Variants in EBF4 observed in about 807,000 individuals in gnomAD.
EBF4 encodes transcription factor COE4.
A neutral mutation model predicts 67.1 loss-of-function variants in EBF4; 34 were observed. That is an observed-to-expected ratio of 0.51 (90% CI 0.39 to 0.67). EBF4 has a LOEUF of 0.67. EBF4 is among the 30% of genes least tolerant of loss of function. EBF4 has a pLI of 0.00. For missense variants in EBF4, 837 were observed against 873.3 expected, an observed-to-expected ratio of 0.96 and a Z score of 0.52; for synonymous variants, 387 against 377.7, an observed-to-expected ratio of 1.02 and a Z score of -0.29.
intron 6 of EBF4, among the ~76,000 whole-genome samples, chr20:2,737,406 T>C (rs911676572): frequency 6.6e-6 from 1 of 152,100 alleles, no homozygotes; most frequent in Non-Finnish European, 1.5e-5. Flanking sequence ...TGGAGAGTTA[T>C]TGAGGGCTGG....
Position 2,747,196 on chromosome 20 carries a change from C to T in EBF4, c.558-1353C>T, listed in dbSNP as rs1197945422. 2.0e-5 allele frequency among the ~76,000 whole-genome samples: 3 copies of T among 151,958 alleles called. No homozygotes were observed. Among genetic ancestry groups the T allele is most frequent in the Non-Finnish European group, 4.4e-5 (3 of 67,974 alleles). ...GATCCCCCTGTAATCCCCTGTAACT[C>T]GGGAAGCCAAGGGCTGAGGCAGGGA... On this transcript the variant is annotated intron_variant, in intron 6 of 16. Coordinates refer to ENST00000609451, the Ensembl canonical transcript of EBF4. This position sits in a 1 kb window ranked among gnomAD's most constrained non-coding sequence, Gnocchi z 4.6.
At chr20:2,732,009 AG>A (rs2087819821) in intron 6 of EBF4, among the ~76,000 whole-genome samples, 1 of 152,188 alleles carries the variant, frequency 6.6e-6, no homozygotes. Flanking sequence ...TCTTGCTAGT[AG>A]GGTATTGAAG....
intron 1 of EBF4, among the ~76,000 whole-genome samples, chr20:2,694,339 G>A (rs1388248387): frequency 6.6e-6 from 1 of 152,188 alleles, no homozygotes; most frequent in Non-Finnish European, 1.5e-5. Flanking sequence ...ATTGGCCTGG[G>A]AACTGGGCAG....
At chr20:2,748,149 C>T (rs1019440490) in intron 6 of EBF4, among the ~76,000 whole-genome samples, 8 of 152,048 alleles carry the variant, frequency 5.3e-5, no homozygotes, top group African/African-American at 1.9e-4. Flanking sequence ...TGTGCGTACA[C>T]GCCACATACG....
At chr20:2,754,325 G>T (rs1041842757) in intron 14 of EBF4, among the ~76,000 whole-genome samples, 9 of 152,118 alleles carry the variant, frequency 5.9e-5, no homozygotes, top group African/African-American at 2.2e-4. Flanking sequence ...CTGTTTGCTT[G>T]GGTCTCTCTT....
chr20:2,744,073 TTA>T (rs200697454), intron 6 of EBF4, among the ~76,000 whole-genome samples: 5 of 80,560 alleles, frequency 6.2e-5, no homozygotes, highest in African/African-American at 4.9e-4. Flanking sequence ...AAGTTTTTAT[TTA>T]TTTTTTTTAT....
chr20:2,697,760 C>T (rs1206971213), intron 1 of EBF4, among the ~76,000 whole-genome samples: 1 of 152,138 alleles, frequency 6.6e-6, no homozygotes, highest in Non-Finnish European at 1.5e-5. Flanking sequence ...CCCAGCCCAT[C>T]TTCCCCTGAC....
exon 9 of EBF4, chr20:2,749,742 G>A (rs1179834156): frequency 1.3e-6 from 2 of 1,542,142 alleles, no homozygotes; most frequent in East Asian, 2.4e-5. Context: ...AAACGTGCTC[G>A]TGTGGAGCGA....
At chr20:2,709,693 G>A (rs2087513773) in intron 6 of EBF4, 51 bp downstream of exon 6, 2 of 1,471,404 alleles carry the variant, frequency 1.4e-6, no homozygotes, top group African/African-American at 1.4e-5. Flanking sequence ...TGGGGGAGGG[G>A]CAGCTGTTTT....
At chr20:2,730,149 T>G (rs2087794728) in intron 6 of EBF4, among the ~76,000 whole-genome samples, 1 of 152,216 alleles carries the variant, frequency 6.6e-6, no homozygotes, top group Non-Finnish European at 1.5e-5. Flanking sequence ...AAGGCTGTCC[T>G]AACAAATTAC....
intron 6 of EBF4, among the ~76,000 whole-genome samples, chr20:2,723,925 G>A (rs2087717395): frequency 6.6e-6 from 1 of 151,970 alleles, no homozygotes; most frequent in African/African-American, 2.4e-5. Context: ...ATGTGTGTGT[G>A]TTTCTTATCT....
At chr20:2,710,673 G>C (rs1286171216) in intron 6 of EBF4, among the ~76,000 whole-genome samples, 1 of 151,588 alleles carries the variant, frequency 6.6e-6, no homozygotes, top group Non-Finnish European at 1.5e-5. Context: ...AATTCAAGAA[G>C]CTTAAAAGGG....
chr20:2,719,175 C>CT (rs1180502394), intron 6 of EBF4, among the ~76,000 whole-genome samples: 31 of 152,178 alleles, frequency 2.0e-4, no homozygotes, highest in African/African-American at 7.5e-4. Context: ...TCACTGCAGC[C>CT]TCAACCTCCT....
At chr20:2,752,425 G>T in exon 14 of EBF4, 4 of 1,296,730 alleles carry the variant, frequency 3.1e-6, no homozygotes, top group Non-Finnish European at 3.9e-6. Flanking sequence ...GCAGCAGAGC[G>T]GCTACGGCGG....
At chr20:2,709,377 C>T (rs2087506301) in intron 5 of EBF4, among the ~76,000 whole-genome samples, 197 bp from the exon 6 acceptor site, 1 of 152,002 alleles carries the variant, frequency 6.6e-6, no homozygotes, top group African/African-American at 2.4e-5. Flanking sequence ...CCAGGCTAGG[C>T]TCTCAGGGTC....
At chr20:2,738,581 G>A (rs1163373583) in intron 6 of EBF4, among the ~76,000 whole-genome samples, 1 of 152,028 alleles carries the variant, frequency 6.6e-6, no homozygotes, top group Non-Finnish European at 1.5e-5. Flanking sequence ...CCTCCCATTA[G>A]TGGCCACTCC....
chr20:2,751,033 G>A lies in EBF4; in HGVS notation c.1019-667G>A, dbSNP rs1380356989. ...GGCGGTGCGGGGATCAGGAAAAGGGGAAGGAGGAGGAGAAGGGCGTGGGGA... is the reference window on the plus strand; with the variant it reads ...GGCGGTGCGGGGATCAGGAAAAGGGAAAGGAGGAGGAGAAGGGCGTGGGGA... On this transcript the variant is annotated intron_variant, in intron 10 of 16. Coordinates refer to ENST00000609451, the Ensembl canonical transcript of EBF4. The surrounding 1 kb of genome is among the most constrained non-coding windows in gnomAD (Gnocchi z 5.2). Among the ~76,000 whole-genome samples the A allele has an allele frequency of 6.6e-6, 1 of 152,124 alleles. No homozygotes were observed. Among genetic ancestry groups the A allele is most frequent in the African/African-American group, 2.4e-5 (1 of 41,412 alleles).
intron 6 of EBF4, among the ~76,000 whole-genome samples, chr20:2,741,579 TCTTGAGC>T (rs1465595020): frequency 6.6e-6 from 1 of 152,214 alleles, no homozygotes; most frequent in African/African-American, 2.4e-5. Context: ...TTTCATTTCA[TCTTGAGC>T]TGTTTTTATG....
intron 6 of EBF4, among the ~76,000 whole-genome samples, chr20:2,728,810 T>G (rs182903187): frequency 6.6e-6 from 1 of 152,078 alleles, no homozygotes; most frequent in East Asian, 1.9e-4. Flanking sequence ...TTTTACACAG[T>G]TTCCAGTCCT....
Sources: gnomAD v4.1 joint callset for allele counts (sites outside exome capture counted in the v4.1 genomes callset) on GRCh38, gnomAD v4.1.1 for gene constraint, Gnocchi (gnomAD v3.1) non-coding constraint, MANE v1.5 for transcripts, NCBI Gene and HGNC (gene_info 2026-07-23, HGNC 2026-07-21) for gene names.